Variants in NKAIN3 observed in about 807,000 individuals in gnomAD.
NKAIN3 encodes the protein sodium/potassium-transporting ATPase subunit beta-1-interacting protein 3.
Under a neutral mutation model 30.2 loss-of-function variants are expected in NKAIN3, and 25 were observed. The ratio of observed to expected loss-of-function variants is 0.83; its 90% CI spans 0.60 to 1.16. The LOEUF (loss-of-function observed/expected upper bound fraction) is 1.16, where lower values mean the gene tolerates loss of function less well. NKAIN3 is among the 50% of genes most tolerant of loss of function. The pLI is 0.00. For missense variants in NKAIN3, 225 were observed against 254.1 expected (o/e 0.89, Z 0.78); for synonymous variants, 91 against 89.6 (o/e 1.02, Z -0.09).
intron 4 of NKAIN3, among the ~76,000 whole-genome samples, chr8:62,749,246 C>G (rs1046721831): frequency 1.3e-5 from 2 of 152,184 alleles, no homozygotes; most frequent in Admixed American, 6.5e-5. Context: ...CCCATAGTAA[C>G]TCCAATTCAA....
intron 1 of NKAIN3, among the ~76,000 whole-genome samples, chr8:62,545,392 C>T (rs1808972577): frequency 6.6e-6 from 1 of 152,030 alleles, no homozygotes; most frequent in Non-Finnish European, 1.5e-5. Context: ...TCAAGACCAG[C>T]CCAGTCAGCA....
chr8:62,895,527 C>A (rs892614841), intron 4 of NKAIN3, among the ~76,000 whole-genome samples: 7 of 152,150 alleles, frequency 4.6e-5, no homozygotes, highest in Non-Finnish European at 5.9e-5. Context: ...GTTTGAGAAG[C>A]AGTATGCACA....
At chr8:62,827,932 A>G (rs1416854167) in intron 4 of NKAIN3, among the ~76,000 whole-genome samples, 3 of 152,308 alleles carry the variant, frequency 2.0e-5, no homozygotes, top group Non-Finnish European at 2.9e-5. Context: ...ATTTTAAAAC[A>G]TGGAATAAAA....
chr8:62,623,549 AT>A (rs1213719823), intron 3 of NKAIN3, among the ~76,000 whole-genome samples: 5 of 152,096 alleles, frequency 3.3e-5, no homozygotes, highest in African/African-American at 1.2e-4. Context: ...AATAATAAAA[AT>A]AAAAGTTTTG....
chr8:62,413,076 A>T (rs1275656745), intron 1 of NKAIN3, among the ~76,000 whole-genome samples: 3 of 152,154 alleles, frequency 2.0e-5, no homozygotes, highest in Admixed American at 6.5e-5. Flanking sequence ...GAGAAATACA[A>T]ATTAAAACCA....
chr8:62,249,162 T>C, intron 1 of NKAIN3, 35 bp downstream of exon 1: 1 of 1,505,258 alleles, frequency 6.6e-7, no homozygotes. Flanking sequence ...CCAGGACAGG[T>C]CCCTGCTCCA....
intron 1 of NKAIN3, among the ~76,000 whole-genome samples, chr8:62,416,246 T>C (rs74404659): frequency 0.027 from 4,053 of 152,270 alleles, 179 homozygotes; most frequent in African/African-American, 0.092. Flanking sequence ...AATAGCTGTA[T>C]TCAGTCAATA....
intron 5 of NKAIN3, among the ~76,000 whole-genome samples, chr8:62,929,732 G>A (rs766710987): frequency 1.3e-5 from 2 of 151,856 alleles, no homozygotes; most frequent in Non-Finnish European, 2.9e-5. Flanking sequence ...GTTTTTTTAA[G>A]CTCTAAATCA....
At chr8:62,616,534 C>T (rs1322363145) in intron 3 of NKAIN3, among the ~76,000 whole-genome samples, 4 of 152,158 alleles carry the variant, frequency 2.6e-5, no homozygotes, top group African/African-American at 9.7e-5. Flanking sequence ...CCACGGGCAG[C>T]ACTTTGATGT....
At chr8:62,425,192 T>C (rs577534472) in intron 1 of NKAIN3, among the ~76,000 whole-genome samples, 96 of 151,852 alleles carry the variant, frequency 6.3e-4, no homozygotes, top group Non-Finnish European at 1.3e-3. Flanking sequence ...GATTAACTTT[T>C]AGAGATCTAT....
chr8:62,609,601 T>TATAA (rs917203419), intron 3 of NKAIN3, among the ~76,000 whole-genome samples: 4 of 152,016 alleles, frequency 2.6e-5, no homozygotes, highest in Non-Finnish European at 5.9e-5. Context: ...AGACATAATA[T>TATAA]ATAAATAAAT....
At chr8:62,446,285 G>A (rs965884329) in intron 1 of NKAIN3, among the ~76,000 whole-genome samples, 1 of 152,104 alleles carries the variant, frequency 6.6e-6, no homozygotes, top group African/African-American at 2.4e-5. Flanking sequence ...ACTGAAGGAA[G>A]AGTTAGTGTT....
intron 1 of NKAIN3, among the ~76,000 whole-genome samples, chr8:62,312,356 T>C (rs116345749): frequency 1.1e-4 from 17 of 150,630 alleles, no homozygotes; most frequent in Non-Finnish European, 1.6e-4. Flanking sequence ...TATTAGGCTC[T>C]TAAGCAAAAA....
At chr8:62,422,685 A>T (rs1804680928) in intron 1 of NKAIN3, among the ~76,000 whole-genome samples, 1 of 151,948 alleles carries the variant, frequency 6.6e-6, no homozygotes, top group Non-Finnish European at 1.5e-5. Context: ...TTCACTAGCC[A>T]CTCTTAGTTG....
chr8:62,472,145 A>G (rs1328539552), intron 1 of NKAIN3, among the ~76,000 whole-genome samples: 3 of 152,156 alleles, frequency 2.0e-5, no homozygotes, highest in East Asian at 1.9e-4. Flanking sequence ...CCCAACAAGG[A>G]CAAGCCAGCC....
intron 4 of NKAIN3, among the ~76,000 whole-genome samples, chr8:62,812,368 C>T (rs1388693672): frequency 1.3e-5 from 2 of 151,632 alleles, no homozygotes; most frequent in African/African-American, 2.4e-5. Flanking sequence ...CAACAAAATC[C>T]CTGATGGGAT....
At chr8:62,669,588 T>A (rs1813237269) in intron 3 of NKAIN3, among the ~76,000 whole-genome samples, 1 of 152,140 alleles carries the variant, frequency 6.6e-6, no homozygotes, top group Non-Finnish European at 1.5e-5. Context: ...TAATCATGAC[T>A]ACACAAAAAA....
intron 1 of NKAIN3, among the ~76,000 whole-genome samples, chr8:62,531,922 C>G (rs1808503081): frequency 6.6e-6 from 1 of 152,180 alleles, no homozygotes; most frequent in African/African-American, 2.4e-5. Flanking sequence ...CAGCTTCCTG[C>G]CAAGTGTCAT....
chr8:62,827,493 A>G (rs902085196), intron 4 of NKAIN3, among the ~76,000 whole-genome samples: 1 of 152,210 alleles, frequency 6.6e-6, no homozygotes, highest in Non-Finnish European at 1.5e-5. Context: ...TGAAGAATAC[A>G]TATAGTTAAC....
Sources: allele counts gnomAD v4.1 joint callset (sites outside exome capture counted in the v4.1 genomes callset), GRCh38; gene constraint gnomAD v4.1.1; transcripts MANE v1.5; gene names NCBI Gene and HGNC (gene_info 2026-07-23, HGNC 2026-07-21).